Variants in SCN2A observed in about 807,000 individuals in gnomAD.
SCN2A encodes sodium voltage-gated channel alpha subunit 2.
Under a neutral mutation model 188.7 loss-of-function variants are expected in SCN2A, and 20 were observed. That is an observed-to-expected ratio of 0.11 (90% CI 0.07 to 0.15). SCN2A has a LOEUF of 0.15. SCN2A is among the 10% of genes least tolerant of loss of function. The probability of loss-of-function intolerance (pLI) is 1.00; values close to 1 mark genes in which losing one functional copy is unlikely to be tolerated. For synonymous variants in SCN2A, 804 were observed against 833.1 expected (o/e 0.97, Z 0.60); for missense variants, 1,278 against 2,445.0 (o/e 0.52, Z 10.07).
intron 1 of SCN2A, among the ~76,000 whole-genome samples, chr2:165,288,397 G>GC (rs1695946993): frequency 8.2e-6 from 1 of 122,144 alleles, no homozygotes; most frequent in Non-Finnish European, 1.8e-5. Context: ...TTCTTGACAG[G>GC]CTTTTTTTTT....
intron 16 of SCN2A, among the ~76,000 whole-genome samples, chr2:165,347,547 A>G (rs1001205841): frequency 6.6e-5 from 10 of 152,158 alleles, no homozygotes; most frequent in African/African-American, 2.4e-4. Context: ...TGTATGTAAC[A>G]AATCTGCATG....
intron 7 of SCN2A, 116 bp from the exon 8 acceptor site, chr2:165,311,909 T>G: frequency 1.4e-6 from 1 of 697,858 alleles, no homozygotes. Flanking sequence ...ATATATTTAT[T>G]AGTTTATCCA....
At chr2:165,332,306 T>C (rs999430615) in intron 14 of SCN2A, among the ~76,000 whole-genome samples, 1 of 151,990 alleles carries the variant, frequency 6.6e-6, no homozygotes, top group Non-Finnish European at 1.5e-5. Flanking sequence ...TATACAATAT[T>C]TTTAGGCTCT....
intron 25 of SCN2A, among the ~76,000 whole-genome samples, chr2:165,383,770 A>C (rs1701726100): frequency 6.6e-6 from 1 of 152,156 alleles, no homozygotes; most frequent in Admixed American, 6.6e-5. Context: ...AACCAACAAG[A>C]ATGACTGGTG....
At chr2:165,275,988 C>T (rs181887086) in intron 1 of SCN2A, among the ~76,000 whole-genome samples, 36 of 152,264 alleles carry the variant, frequency 2.4e-4, no homozygotes, top group African/African-American at 7.2e-4. Flanking sequence ...CCTCCTCGGC[C>T]TCCCAAAGTG....
chr2:165,277,438 G>C (rs1011704320), intron 1 of SCN2A, among the ~76,000 whole-genome samples: 1 of 152,174 alleles, frequency 6.6e-6, no homozygotes, highest in Non-Finnish European at 1.5e-5. Flanking sequence ...CTTTTATAGG[G>C]AGAATGTAGA....
intron 1 of SCN2A, chr2:165,286,004 A>G (rs372626531): frequency 2.5e-5 from 5 of 201,966 alleles, no homozygotes; most frequent in Admixed American, 1.8e-4. Flanking sequence ...AGACTTCGTG[A>G]TATCCGATGA....
At chr2:165,376,011 A>G (rs1223038576) in intron 22 of SCN2A, among the ~76,000 whole-genome samples, 2 of 151,946 alleles carry the variant, frequency 1.3e-5, no homozygotes, top group Non-Finnish European at 2.9e-5. Context: ...ACAAACTCAC[A>G]GAAACAGAAA....
At chr2:165,292,615 C>T (rs1696275535) in intron 1 of SCN2A, among the ~76,000 whole-genome samples, 1 of 152,058 alleles carries the variant, frequency 6.6e-6, no homozygotes, top group African/African-American at 2.4e-5. Context: ...AATACATTTT[C>T]CAATGAAAAT....
At chr2:165,359,212 C>G (rs952917907) in intron 17 of SCN2A, among the ~76,000 whole-genome samples, 1 of 151,990 alleles carries the variant, frequency 6.6e-6, no homozygotes, top group Non-Finnish European at 1.5e-5. Flanking sequence ...ATCCAAGATG[C>G]GTAATTGTTT....
At chr2:165,376,908 C>T (rs1312235074) in intron 22 of SCN2A, among the ~76,000 whole-genome samples, 11 of 150,672 alleles carry the variant, frequency 7.3e-5, no homozygotes, top group Non-Finnish European at 1.3e-4. Flanking sequence ...TCCACTTACA[C>T]GATCCTCAAG....
intron 22 of SCN2A, among the ~76,000 whole-genome samples, chr2:165,375,615 G>T (rs967012023): frequency 6.6e-6 from 1 of 151,826 alleles, no homozygotes; most frequent in South Asian, 2.1e-4. Context: ...TACTATGTCC[G>T]CACAACAGAA....
chr2:165,308,079 A>G, intron 4 of SCN2A, 142 bp downstream of exon 4: 1 of 728,650 alleles, frequency 1.4e-6, no homozygotes. Flanking sequence ...TTCTGTCACT[A>G]AATGTCTTCT....
At chr2:165,310,182 TA>T (rs1276534433) in intron 6 of SCN2A, 140 bp from the exon 7 acceptor site, 32 of 924,990 alleles carry the variant, frequency 3.5e-5, no homozygotes, top group Non-Finnish European at 5.3e-5. Flanking sequence ...ATGAAAATGT[TA>T]TTCAATCACA....
intron 6 of SCN2A, 125 bp downstream of exon 6, chr2:165,309,568 T>C: frequency 1.7e-6 from 2 of 1,145,338 alleles, no homozygotes; most frequent in Non-Finnish European, 2.6e-6. Flanking sequence ...CAAGAATTGG[T>C]ACATCATTTT....
chr2:165,374,609 C>A, intron 21 of SCN2A, 76 bp from the exon 22 acceptor site: 2 of 1,494,970 alleles, frequency 1.3e-6, no homozygotes, highest in Non-Finnish European at 1.8e-6. Context: ...TTTGACTGTT[C>A]TTTTAATAAT....
chr2:165,240,217 C>T (rs1693554238), intron 1 of SCN2A: 1 of 152,160 alleles, frequency 6.6e-6, no homozygotes, highest in Non-Finnish European at 1.5e-5. Flanking sequence ...TGGAATGAGA[C>T]TATAGACCCT....
At chr2:165,325,845 G>A (rs971205504) in intron 12 of SCN2A, among the ~76,000 whole-genome samples, 1 of 151,906 alleles carries the variant, frequency 6.6e-6, no homozygotes, top group African/African-American at 2.4e-5. Flanking sequence ...TGGAAATTTT[G>A]GTTTTGAATA....
At chr2:165,331,809 C>A (rs1698697095) in intron 14 of SCN2A, among the ~76,000 whole-genome samples, 1 of 152,058 alleles carries the variant, frequency 6.6e-6, no homozygotes, top group Non-Finnish European at 1.5e-5. Flanking sequence ...GAAGATGATT[C>A]TGAATTGTCC....
Sources: allele counts gnomAD v4.1 joint callset (sites outside exome capture counted in the v4.1 genomes callset), GRCh38; gene constraint gnomAD v4.1.1; transcripts MANE v1.5; gene names NCBI Gene and HGNC (gene_info 2026-07-23, HGNC 2026-07-21).